Variants in SELENOF observed in about 807,000 individuals in gnomAD.
The protein encoded by SELENOF is selenoprotein F.
In SELENOF, 16 loss-of-function variants were observed where a neutral mutation model predicts 20.5. The observed-to-expected ratio is 0.78, with a 90% confidence interval of 0.53 to 1.19. The LOEUF (loss-of-function observed/expected upper bound fraction) is 1.19. Ranked by LOEUF, SELENOF falls within the 50% of genes most tolerant of loss-of-function variation. The pLI, the probability that SELENOF is intolerant of heterozygous loss-of-function variation, is 0.00. For missense variants in SELENOF, 215 were observed against 194.2 expected (o/e 1.11, Z -0.64); for synonymous variants, 78 against 74.5 (o/e 1.05, Z -0.24).
At chr1:86,887,710 T>A (rs1201759572) in intron 2 of SELENOF, among the ~76,000 whole-genome samples, 3 of 152,116 alleles carry the variant, frequency 2.0e-5, no homozygotes, top group African/African-American at 7.2e-5. Context: ...ACCTATAGAA[T>A]TTACATATAC....
intron 2 of SELENOF, among the ~76,000 whole-genome samples, chr1:86,894,188 T>TTTA (rs1553127567): frequency 6.6e-6 from 1 of 151,142 alleles, no homozygotes; most frequent in African/African-American, 2.4e-5. Flanking sequence ...TTTTTTTTTT[T>TTTA]AAGTATTACT....
intron 2 of SELENOF, among the ~76,000 whole-genome samples, chr1:86,893,163 G>A (rs982763148): frequency 1.2e-4 from 18 of 152,038 alleles, no homozygotes; most frequent in African/African-American, 4.1e-4. Flanking sequence ...GTTGTTGTGA[G>A]GATTAAATAG....
intron 1 of SELENOF, among the ~76,000 whole-genome samples, chr1:86,906,433 A>T (rs911701708): frequency 1.3e-4 from 20 of 152,196 alleles, no homozygotes; most frequent in Non-Finnish European, 7.4e-5. Flanking sequence ...CTCCACTGAG[A>T]AGTGGGGTCT....
At chr1:86,897,938 TAAAC>T (rs1659569096) in intron 2 of SELENOF, among the ~76,000 whole-genome samples, 1 of 152,214 alleles carries the variant, frequency 6.6e-6, no homozygotes, top group Non-Finnish European at 1.5e-5. Flanking sequence ...AGGAAGTTCA[TAAAC>T]AAGATCAATG....
At chr1:86,909,190 CTT>C (rs1016362734) in intron 1 of SELENOF, among the ~76,000 whole-genome samples, 1 of 152,162 alleles carries the variant, frequency 6.6e-6, no homozygotes, top group African/African-American at 2.4e-5. Context: ...GCCACCTGAT[CTT>C]TTTTTCCCCT....
chr1:86,910,218 C>T (rs1420445461), intron 1 of SELENOF, among the ~76,000 whole-genome samples: 2 of 152,156 alleles, frequency 1.3e-5, no homozygotes, highest in South Asian at 2.1e-4. Flanking sequence ...CTAAATTATA[C>T]GTCATGAGTA....
intron 1 of SELENOF, among the ~76,000 whole-genome samples, chr1:86,913,459 T>G (rs1197995061): frequency 6.6e-6 from 1 of 152,220 alleles, no homozygotes; most frequent in Non-Finnish European, 1.5e-5. Context: ...AATTATACTT[T>G]GGTATAGATA....
intron 1 of SELENOF, among the ~76,000 whole-genome samples, chr1:86,906,914 C>T (rs1057201472): frequency 6.6e-6 from 1 of 152,206 alleles, no homozygotes; most frequent in African/African-American, 2.4e-5. Flanking sequence ...AGAGTGAAAT[C>T]ACTTTGGAAA....
At chr1:86,874,111 A>C (rs1173481351) in intron 3 of SELENOF, among the ~76,000 whole-genome samples, 2 of 151,984 alleles carry the variant, frequency 1.3e-5, no homozygotes, top group Non-Finnish European at 2.9e-5. Flanking sequence ...TAAAAAAATC[A>C]AATAATGATT....
chr1:86,864,927 C>T (rs1189874059), intron 4 of SELENOF, among the ~76,000 whole-genome samples: 1 of 152,046 alleles, frequency 6.6e-6, no homozygotes, highest in Non-Finnish European at 1.5e-5. Flanking sequence ...GGAGCCACCG[C>T]ACCCAGCCGG....
chr1:86,899,537 G>C (rs1438099749), intron 2 of SELENOF, among the ~76,000 whole-genome samples: 176 of 138,616 alleles, frequency 1.3e-3, no homozygotes, highest in African/African-American at 1.5e-3. Flanking sequence ...CTGGCCGGGC[G>C]GGGGGCTGAC....
intron 2 of SELENOF, among the ~76,000 whole-genome samples, chr1:86,890,181 C>G (rs1425566239): frequency 2.6e-5 from 4 of 152,162 alleles, no homozygotes; most frequent in African/African-American, 9.7e-5. Context: ...GCCATACTCT[C>G]ATGCCTCTGT....
In SELENOF at chr1:86,869,046, G is replaced by A. The variant is rs541717470; in HGVS notation, c.317-944C>T. Among the ~76,000 whole-genome samples, 8 of 152,192 alleles carry A rather than the reference G, an allele frequency of 5.3e-5. No homozygotes were observed. In the South Asian group the frequency reaches 8.3e-4, roughly 16 times the overall value. ...ATAATTGAAGAAATGCCATAACAAT[G>A]AGGTACTCACATTCGGAATTACAAA... On this transcript the variant is annotated intron_variant, in intron 3 of 4. Coordinates refer to ENST00000331835, the MANE Select transcript of SELENOF (RefSeq NM_004261.5).
chr1:86,890,377 T>C (rs565124735), intron 2 of SELENOF, among the ~76,000 whole-genome samples: 1 of 152,172 alleles, frequency 6.6e-6, no homozygotes, highest in Admixed American at 6.5e-5. Flanking sequence ...ACATATCTCA[T>C]TGAATTCTTT....
intron 2 of SELENOF, among the ~76,000 whole-genome samples, chr1:86,895,013 T>A (rs1267628182): frequency 6.6e-6 from 1 of 152,242 alleles, no homozygotes; most frequent in Admixed American, 6.5e-5. Flanking sequence ...GTGGAAAATT[T>A]GTAGTATTTT....
chr1:86,905,158 C>T (rs1031777135), intron 1 of SELENOF, among the ~76,000 whole-genome samples: 3 of 152,118 alleles, frequency 2.0e-5, no homozygotes, highest in African/African-American at 7.2e-5. Context: ...TCCTACTGAC[C>T]TACACTCCAT....
At chr1:86,865,313 A>C (rs1658564751) in intron 4 of SELENOF, among the ~76,000 whole-genome samples, 1 of 152,230 alleles carries the variant, frequency 6.6e-6, no homozygotes, top group South Asian at 2.1e-4. Context: ...ACTTCAGTGC[A>C]TCAAATGAAA....
intron 2 of SELENOF, among the ~76,000 whole-genome samples, chr1:86,892,581 G>A (rs1659417514): frequency 6.6e-6 from 1 of 152,168 alleles, no homozygotes; most frequent in African/African-American, 2.4e-5. Flanking sequence ...CCTAAAATTT[G>A]CCATTGTCTT....
intron 2 of SELENOF, among the ~76,000 whole-genome samples, chr1:86,894,264 C>T (rs1364725960): frequency 1.3e-5 from 2 of 150,330 alleles, no homozygotes; most frequent in Non-Finnish European, 3.0e-5. Context: ...ATAGGTTACA[C>T]ATATAAATAA....
Sources: gnomAD v4.1 joint callset for allele counts (sites outside exome capture counted in the v4.1 genomes callset) on GRCh38, gnomAD v4.1.1 for gene constraint, MANE v1.5 for transcripts, NCBI Gene and HGNC (gene_info 2026-07-23, HGNC 2026-07-21) for gene names.